Variants in HIRA observed in about 807,000 individuals in gnomAD.
HIRA encodes histone cell cycle regulator.
A neutral mutation model predicts 126.6 loss-of-function variants in HIRA; 13 were observed. The observed-to-expected ratio is 0.10, with a 90% CI of 0.07 to 0.16. The LOEUF (loss-of-function observed/expected upper bound fraction) is 0.16. Among genes scored for constraint, HIRA ranks in the 10% least tolerant of loss-of-function variants. The pLI, the probability that HIRA is intolerant of heterozygous loss-of-function variation, is 1.00. For missense variants in HIRA, 834 were observed against 1,314.4 expected, an observed-to-expected ratio of 0.63 and a Z score of 5.65; for synonymous variants, 511 against 520.0, an observed-to-expected ratio of 0.98 and a Z score of 0.24.
intron 13 of HIRA, among the ~76,000 whole-genome samples, chr22:19,383,140 C>T (rs529994464): frequency 5.9e-5 from 9 of 151,530 alleles, no homozygotes; most frequent in South Asian, 2.1e-4. Context: ...GAAACAGTAA[C>T]GAGTGGGGAA....
chr22:19,333,717 T>A (rs1647017934), intron 24 of HIRA, among the ~76,000 whole-genome samples: 1 of 152,204 alleles, frequency 6.6e-6, no homozygotes, highest in Non-Finnish European at 1.5e-5. Context: ...CCATTATGGA[T>A]TCATGGGTAT....
In HIRA at chr22:19,396,965, A is replaced by G; in HGVS notation, c.494-18T>C. On this transcript the variant is annotated intron_variant, in intron 6 of 24. Transcript: ENST00000263208. ...TAGAATTTCTGTGAAGAAAAAAGGA[A>G]TGTGGAGAGGTGTTGTCTGAGGGAA... 3.1e-6 allele frequency: 5 copies of G among 1,613,312 alleles called. No homozygotes were observed. Among genetic ancestry groups the G allele is most frequent in the Non-Finnish European group, 4.2e-6 (5 of 1,179,422 alleles).
chr22:19,408,646 T>C, intron 2 of HIRA, 53 bp from the exon 3 acceptor site: 1 of 968,818 alleles, frequency 1.0e-6, no homozygotes, highest in Non-Finnish European at 1.7e-6. Context: ...AAATTTGATA[T>C]TAATATTTAA....
intron 15 of HIRA, among the ~76,000 whole-genome samples, chr22:19,374,193 G>A (rs898303804): frequency 2.0e-4 from 30 of 152,102 alleles, no homozygotes; most frequent in Non-Finnish European, 2.8e-4. Flanking sequence ...AATTAGCCAG[G>A]TGTTGTGGCA....
intron 15 of HIRA, 124 bp from the exon 16 acceptor site, chr22:19,362,055 T>C: frequency 1.1e-6 from 1 of 870,494 alleles, no homozygotes. Flanking sequence ...CCAGTGAAAT[T>C]ATGCCTCAAA....
intron 12 of HIRA, 88 bp downstream of exon 12, chr22:19,385,433 C>A: frequency 7.6e-7 from 1 of 1,316,506 alleles, no homozygotes; most frequent in South Asian, 1.3e-5. Flanking sequence ...TCTAAACAAA[C>A]CCCTTCCTTA....
chr22:19,383,780 C>CT (rs1301870005), intron 12 of HIRA, 75 bp from the exon 13 acceptor site: 4 of 1,152,856 alleles, frequency 3.5e-6, no homozygotes, highest in Non-Finnish European at 5.2e-6. Context: ...AATAAAGTCT[C>CT]TTTTTTTCCT....
At chr22:19,380,606 CTTTAT>C (rs960625052) in intron 13 of HIRA, among the ~76,000 whole-genome samples, 8 of 151,950 alleles carry the variant, frequency 5.3e-5, no homozygotes, top group African/African-American at 1.9e-4. Flanking sequence ...TTCCAGATAA[CTTTAT>C]TTTATTTATT....
At chr22:19,405,632 G>A (rs1569309172) in intron 5 of HIRA, 154 bp downstream of exon 5, 1 of 600,896 alleles carries the variant, frequency 1.7e-6, no homozygotes, top group Non-Finnish European at 2.1e-6. Flanking sequence ...CAGATCTTAA[G>A]GGACAGGCAG....
At chr22:19,375,973 T>C (rs1483897889) in intron 14 of HIRA, among the ~76,000 whole-genome samples, 181 bp from the exon 15 acceptor site, 1 of 152,256 alleles carries the variant, frequency 6.6e-6, no homozygotes, top group South Asian at 2.1e-4. Flanking sequence ...GTCAAAATTA[T>C]GGACACCTAG....
chr22:19,368,284 CAA>C lies in HIRA; in HGVS notation c.1776-6355_1776-6354del, dbSNP rs575605201. 1.5e-3 allele frequency among the ~76,000 whole-genome samples: 225 copies of C among 152,326 alleles called. 2 individuals are homozygous for C. Among genetic ancestry groups the C allele is most frequent in the African/African-American group, 5.2e-3 (218 of 41,572 alleles). Reference sequence around the variant, plus strand: ...GTATCCATGTGAAAAACTGGGAAGACAAGAGGCCCATGACGCTGCTCTGTGAA... The same window carrying C: ...GTATCCATGTGAAAAACTGGGAAGACGAGGCCCATGACGCTGCTCTGTGAA... On this transcript the variant is annotated intron_variant, in intron 15 of 24. Transcript: ENST00000263208.
At position 19,382,154 on chromosome 22, in the gene HIRA, G is replaced by A. The variant is rs112568447; in HGVS notation, c.1415+1466C>T. On this transcript the variant is annotated intron_variant, in intron 13 of 24. Transcript: ENST00000263208. ...CTATCCTGTTGCTACGTGTTAGAACGTGGGAATCAGGAGGGCAAAAAGCTT... is the reference window on the plus strand; with the variant it reads ...CTATCCTGTTGCTACGTGTTAGAACATGGGAATCAGGAGGGCAAAAAGCTT... Among the ~76,000 whole-genome samples, 145 of 152,296 alleles carry A rather than the reference G, an allele frequency of 9.5e-4. 1 individual carries two copies. Among genetic ancestry groups the A allele is most frequent in the African/African-American group, 3.1e-3 (130 of 41,562 alleles).
intron 11 of HIRA, 134 bp downstream of exon 11, chr22:19,387,577 T>C: frequency 1.6e-6 from 1 of 613,450 alleles, no homozygotes; most frequent in Non-Finnish European, 2.9e-6. Context: ...ATATAAAAGA[T>C]GAATACCCCA....
intron 5 of HIRA, among the ~76,000 whole-genome samples, chr22:19,398,695 G>C (rs2089243197): frequency 6.6e-6 from 1 of 152,132 alleles, no homozygotes; most frequent in African/African-American, 2.4e-5. Context: ...ACAAAATCTA[G>C]GCCAGGTGCA....
intron 1 of HIRA, among the ~76,000 whole-genome samples, chr22:19,429,099 G>T (rs2089510120): frequency 1.4e-5 from 2 of 144,708 alleles, no homozygotes; most frequent in South Asian, 4.6e-4. Context: ...AAGTTTAAAA[G>T]AAGTTAAATC....
intron 13 of HIRA, 22 bp downstream of exon 13, chr22:19,383,598 T>C (rs1019559243): frequency 2.1e-5 from 34 of 1,589,146 alleles, no homozygotes; most frequent in African/African-American, 2.7e-5. Context: ...GATAAGACCA[T>C]GAAAGGGGAA....
chr22:19,352,227 G>A (rs1040762839), intron 23 of HIRA, among the ~76,000 whole-genome samples: 3 of 151,992 alleles, frequency 2.0e-5, no homozygotes, highest in African/African-American at 7.2e-5. Context: ...GCAAGCAGCA[G>A]AAGTCATCCC....
chr22:19,342,639 C>T (rs782154954), intron 24 of HIRA, among the ~76,000 whole-genome samples: 2 of 152,190 alleles, frequency 1.3e-5, no homozygotes, highest in Non-Finnish European at 2.9e-5. Flanking sequence ...CTTTCCGCCT[C>T]AGCCTCCCAA....
At chr22:19,355,153 A>T (rs1556012078) in intron 21 of HIRA, among the ~76,000 whole-genome samples, 2 of 152,024 alleles carry the variant, frequency 1.3e-5, no homozygotes, top group African/African-American at 4.8e-5. Context: ...AGGGGCTAGG[A>T]GGTAGCAAGC....
Sources: gnomAD v4.1 joint callset for allele counts (sites outside exome capture counted in the v4.1 genomes callset) on GRCh38, gnomAD v4.1.1 for gene constraint, MANE v1.5 for transcripts, NCBI Gene and HGNC (gene_info 2026-07-23, HGNC 2026-07-21) for gene names.